IQANK1: variants seen among roughly 807,000 people sequenced by gnomAD.
IQANK1 encodes the protein IQ motif and ankyrin repeat domain-containing protein 1.
IQANK1 carries 30 observed loss-of-function variants against 22.6 expected under a neutral mutation model. The ratio of observed to expected loss-of-function variants is 1.33; its 90% CI spans 0.99 to 1.80. The LOEUF is 1.80. Among genes scored for constraint, IQANK1 ranks in the 40% most tolerant of loss-of-function variants. The pLI is 0.00. For missense variants in IQANK1, 275 were observed against 235.2 expected, an observed-to-expected ratio of 1.17 and a Z score of -1.11; for synonymous variants, 122 against 99.6, an observed-to-expected ratio of 1.23 and a Z score of -1.34.
chr8:143,751,677 T>TATATATATATATATATAA (rs1402754222), intron 3 of IQANK1, among the ~76,000 whole-genome samples: 1 of 140,678 alleles, frequency 7.1e-6, no homozygotes, highest in Admixed American at 7.3e-5. Context: ...TATATATATA[T>TATATATATATATATATAA]AAAATCCTAT....
At position 143,771,396 on chromosome 8, in the gene IQANK1, G is replaced by A. The variant is rs1554629730; in HGVS notation, c.176-92G>A. 7.7e-6 allele frequency: 3 copies of A among 392,008 alleles called. No individual in the cohort carries two copies. The allele number at this position is 392,008 out of a possible 1,614,324, so 24.3% of individuals were successfully genotyped here. A position where few individuals can be genotyped will look rare whatever the true frequency, so the allele number is the denominator to read the frequency against. ...GCCGTTTGGGTCCTTCTGTCGGGGC[G>A]GGGGCGGGGGCGGGGCCGGCTCCAC... On this transcript the variant is annotated intron_variant, in intron 3 of 13. Transcript: ENST00000527139. This position sits in a 1 kb window ranked among gnomAD's most constrained non-coding sequence, Gnocchi z 6.0.
chr8:143,742,788 C>CT (rs1174257916), intron 3 of IQANK1: 1 of 455,978 alleles, frequency 2.2e-6, no homozygotes, highest in African/African-American at 2.0e-5. Flanking sequence ...AGCAGCCTGG[C>CT]TACTTTCACC....
At chr8:143,769,167 T>C (rs1554629479) in intron 3 of IQANK1, among the ~76,000 whole-genome samples, 1 of 151,712 alleles carries the variant, frequency 6.6e-6, no homozygotes, top group African/African-American at 2.4e-5. Context: ...TCAAGCCATC[T>C]TCCCATCTCA....
chr8:143,745,251 T>C (rs1267176019), intron 3 of IQANK1: 1 of 152,230 alleles, frequency 6.6e-6, no homozygotes, highest in Non-Finnish European at 1.5e-5. Flanking sequence ...GACGTGTCTC[T>C]GATCATACTC....
chr8:143,760,932 G>A (rs532780988), intron 3 of IQANK1, among the ~76,000 whole-genome samples: 170 of 152,240 alleles, frequency 1.1e-3, no homozygotes, highest in African/African-American at 3.8e-3. Flanking sequence ...GGTGGCATGG[G>A]GTCGACTTTG....
intron 2 of IQANK1, chr8:143,739,543 G>A (rs1587469691): frequency 2.0e-5 from 6 of 294,412 alleles, no homozygotes; most frequent in South Asian, 9.8e-5. Flanking sequence ...GCCAGCAGGC[G>A]GCACTGCCAG....
At position 143,749,485 on chromosome 8, in the gene IQANK1, TATATAAATATATATC is replaced by T. The variant is rs1333524614; in HGVS notation, c.175+9551_175+9565del. Among the ~76,000 whole-genome samples, 15 of 132,976 alleles carry T rather than the reference TATATAAATATATATC, an allele frequency of 1.1e-4. No homozygotes were observed. In the South Asian group the frequency reaches 2.6e-3, roughly 23 times the overall value. The allele number at this position is 132,976 out of a possible 152,430, so 87.2% of individuals were successfully genotyped here. A position where few individuals can be genotyped will look rare whatever the true frequency, so the allele number is the denominator to read the frequency against. On this transcript the variant is annotated intron_variant, in intron 3 of 13. Transcript: ENST00000527139. The stretch of plus-strand genomic sequence containing the variant: ...TATAATATATAAATATATGTATAAA[TATATAAATATATATC>T]ATATAAATATATAAAAATATATATC...
In IQANK1 at chr8:143,766,288, A is replaced by G. The variant is rs1184657642; in HGVS notation, c.176-5200A>G. 3.3e-5 allele frequency among the ~76,000 whole-genome samples: 5 copies of G among 152,170 alleles called. No individual in the cohort carries two copies. The East Asian group carries it at 9.6e-4, about 29-fold the overall frequency. ...TAGTATTTCCCAATATATTCGGAATACAAACCTTTTGTCAGTTACATGGAT... is the reference window on the plus strand; with the variant it reads ...TAGTATTTCCCAATATATTCGGAATGCAAACCTTTTGTCAGTTACATGGAT... On this transcript the variant is annotated intron_variant, in intron 3 of 13. Transcript: ENST00000527139.
intron 3 of IQANK1, chr8:143,759,866 AC>A (rs1383977177): frequency 2.0e-5 from 3 of 152,284 alleles, no homozygotes; most frequent in South Asian, 2.1e-4. Context: ...GACAGCCGTA[AC>A]CCTGTGGGTC....
rs185913375 is a variant in IQANK1, at chr8:143,745,023, A to T, written c.175+5075A>T. ...TCGAAAAGCCTCTCTGTACCCCTCT[A>T]TGTTGGTGACACAACCCTGGCAAAT... On this transcript the variant is annotated intron_variant, in intron 3 of 13. Coordinates refer to ENST00000527139, the MANE Select transcript of IQANK1 (RefSeq NM_001381874.1). The T allele has an allele frequency of 2.1e-5, 3 of 144,830 alleles. No homozygotes were observed. The East Asian group carries it at 7.9e-4, about 38-fold the overall frequency. The allele number at this position is 144,830 out of a possible 1,614,324, so 9.0% of individuals were successfully genotyped here. A position where few individuals can be genotyped will look rare whatever the true frequency, so the allele number is the denominator to read the frequency against.
At chr8:143,749,888 C>T (rs1554627855) in intron 3 of IQANK1, among the ~76,000 whole-genome samples, 2 of 151,646 alleles carry the variant, frequency 1.3e-5, no homozygotes, top group Admixed American at 6.6e-5. Context: ...GATGATCAGA[C>T]ATTAGGTACA....
intron 3 of IQANK1, among the ~76,000 whole-genome samples, chr8:143,753,994 C>T (rs183890494): frequency 2.6e-5 from 4 of 152,114 alleles, no homozygotes; most frequent in Admixed American, 1.3e-4. Flanking sequence ...TATAAACTTA[C>T]GGTCTTCTTG....
intron 3 of IQANK1, chr8:143,742,498 A>G (rs1554626692): frequency 1.8e-5 from 8 of 456,046 alleles, no homozygotes; most frequent in South Asian, 1.2e-4. Context: ...CGCCTGTGTC[A>G]TCTGGGCTGG....
rs2129735299 is a variant in IQANK1 at position 143,735,621 on chromosome 8, G to A, written c.-4-229G>A. 6.6e-6 allele frequency among the ~76,000 whole-genome samples: 1 copy of A among 152,226 alleles called. No homozygotes were observed. The highest frequency in any genetic ancestry group is 1.5e-5 in the Non-Finnish European group (1 of 67,992). On this transcript the variant is annotated intron_variant, in intron 1 of 13. Coordinates refer to ENST00000527139, the MANE Select transcript of IQANK1 (RefSeq NM_001381874.1). This position sits in a 1 kb window ranked among gnomAD's most constrained non-coding sequence, Gnocchi z 5.2. The stretch of plus-strand genomic sequence containing the variant: ...AGGGGCAGGCAAGCCACGGCCAGGG[G>A]GACGGGAGGTGGCCAAGTGCTCTTG...
chr8:143,761,163 G>T (rs1435223470), intron 3 of IQANK1, among the ~76,000 whole-genome samples: 1 of 152,216 alleles, frequency 6.6e-6, no homozygotes, highest in African/African-American at 2.4e-5. Context: ...CCCCGGAGCC[G>T]CGCGCCCGAG....
chr8:143,774,461 C>T lies in IQANK1; in HGVS notation c.789+1979C>T, dbSNP rs1339779091. Reference sequence around the variant, plus strand: ...ACACCCGAGGAGGTGTTGCACACCACCTCACACCTCCCAGGACAGCCCAGG... The same window carrying T: ...ACACCCGAGGAGGTGTTGCACACCATCTCACACCTCCCAGGACAGCCCAGG... On this transcript the variant is annotated intron_variant, in intron 7 of 13. Transcript: ENST00000527139. This position sits in a 1 kb window ranked among gnomAD's most constrained non-coding sequence, Gnocchi z 4.2. 6.6e-6 allele frequency among the ~76,000 whole-genome samples: 1 copy of T among 152,156 alleles called. No individual in the cohort carries two copies. Among genetic ancestry groups the T allele is most frequent in the Non-Finnish European group, 1.5e-5 (1 of 68,026 alleles).
intron 3 of IQANK1, among the ~76,000 whole-genome samples, chr8:143,756,977 A>G (rs11784536): frequency 0.67 from 87,202 of 129,564 alleles, 30,015 homozygotes; most frequent in Non-Finnish European, 0.81. Flanking sequence ...GACCCTGTCT[A>G]AAAAAAAAAA....
At chr8:143,764,823 C>A (rs1203455857) in intron 3 of IQANK1, among the ~76,000 whole-genome samples, 1 of 151,896 alleles carries the variant, frequency 6.6e-6, no homozygotes, top group African/African-American at 2.4e-5. Flanking sequence ...AATTAGTGAA[C>A]CTCAAGGAAT....
At chr8:143,749,353 A>T (rs373210006) in intron 3 of IQANK1, among the ~76,000 whole-genome samples, 75,742 of 127,682 alleles carry the variant, frequency 0.59, 26,625 homozygotes, top group Non-Finnish European at 0.77. Flanking sequence ...AAACATAAAT[A>T]TATAAAAATA....
Sources: gnomAD v4.1 joint callset for allele counts (sites outside exome capture counted in the v4.1 genomes callset) on GRCh38, gnomAD v4.1.1 for gene constraint, Gnocchi (gnomAD v3.1) non-coding constraint, MANE v1.5 for transcripts, NCBI Gene and HGNC (gene_info 2026-07-23, HGNC 2026-07-21) for gene names.